Variants in OR52N4 observed in about 807,000 individuals in gnomAD.
OR52N4 encodes the protein olfactory receptor 52N4.
OR52N4 carries 15 observed loss-of-function variants against 15.0 expected under a neutral mutation model. The ratio of observed to expected loss-of-function variants is 1.00; its 90% CI spans 0.67 to 1.54. The LOEUF is 1.54. Ranked by LOEUF, OR52N4 falls within the 40% of genes most tolerant of loss-of-function variation. OR52N4 has a pLI of 0.00. For missense variants in OR52N4, 421 were observed against 394.0 expected, an observed-to-expected ratio of 1.07 and a Z score of -0.58; for synonymous variants, 143 against 143.7, an observed-to-expected ratio of 1.00 and a Z score of 0.03.
the OR52N4 span, among the ~76,000 whole-genome samples, chr11:5,735,310 C>T: frequency 1.3e-4 from 19 of 151,662 alleles, no homozygotes; most frequent in South Asian, 6.2e-4. Flanking sequence ...ATATTCACTT[C>T]GGTTTGAGTC....
the OR52N4 span, among the ~76,000 whole-genome samples, chr11:5,742,783 A>C: frequency 6.6e-6 from 1 of 152,198 alleles, no homozygotes; most frequent in Non-Finnish European, 1.5e-5. Context: ...ACAATAAAAA[A>C]ACAAGTGAAA....
the OR52N4 span, among the ~76,000 whole-genome samples, chr11:5,730,010 C>G: frequency 1.3e-5 from 2 of 151,862 alleles, no homozygotes; most frequent in Non-Finnish European, 2.9e-5. Flanking sequence ...CACATTTGCC[C>G]CATAGAAAAA....
At chr11:5,748,431 A>G in the OR52N4 span, among the ~76,000 whole-genome samples, 2 of 151,790 alleles carry the variant, frequency 1.3e-5, no homozygotes, top group East Asian at 1.9e-4. Context: ...TATCATAATG[A>G]TGATTATTTC....
chr11:5,750,239 T>C (rs1015443678), upstream of OR52N4, among the ~76,000 whole-genome samples: 1 of 152,040 alleles, frequency 6.6e-6, no homozygotes, highest in African/African-American at 2.4e-5. Context: ...GATACTTATT[T>C]CACATGCAGT....
chr11:5,743,400 T>C, the OR52N4 span, among the ~76,000 whole-genome samples: 1 of 152,128 alleles, frequency 6.6e-6, no homozygotes, highest in Non-Finnish European at 1.5e-5. Flanking sequence ...AACAGACATA[T>C]ACAGAACATT....
In OR52N4 at chr11:5,755,331, T is replaced by G. The variant is rs1590345655; in HGVS notation, c.591T>G (p.Asn197Lys). Residue 197 changes from asparagine to lysine, a missense_variant, in exon 2 of 2, where the codon AAT (asparagine) becomes AAG (lysine). By Grantham distance (94) the Asn-to-Lys change is moderately conservative. Transcript: ENST00000641350. ...AKLSCGNVKV[N>K]AIYGLMVALL... ...TGTCCTGTGGTAATGTCAAGGTCAA[T>G]GCCATCTATGGTCTGATGGTTGCCC... 1 of 1,614,092 alleles carries G rather than the reference T, an allele frequency of 6.2e-7. No homozygotes were observed. Among genetic ancestry groups the G allele is most frequent in the East Asian group, 2.2e-5 (1 of 44,854 alleles).
chr11:5,737,605 T>C, the OR52N4 span: 6 of 910,140 alleles, frequency 6.6e-6, no homozygotes, highest in East Asian at 7.5e-5. Context: ...TATATTTGTA[T>C]GTAAATAATT....
the OR52N4 span, among the ~76,000 whole-genome samples, chr11:5,727,845 A>C: frequency 6.6e-6 from 1 of 152,160 alleles, no homozygotes; most frequent in Non-Finnish European, 1.5e-5. Flanking sequence ...CAGCTATCTT[A>C]CCAGCTGCAA....
At chr11:5,732,848 C>G in the OR52N4 span, among the ~76,000 whole-genome samples, 1 of 152,172 alleles carries the variant, frequency 6.6e-6, no homozygotes. Flanking sequence ...GTAGGCACCT[C>G]ATATTGGTCA....
chr11:5,743,674 A>G, the OR52N4 span, among the ~76,000 whole-genome samples: 1 of 152,328 alleles, frequency 6.6e-6, no homozygotes, highest in South Asian at 2.1e-4. Context: ...TTTTTTAAAC[A>G]TTGAAACACA....
Position 5,755,796 on chromosome 11 carries a change from T to C in OR52N4, c.*90T>C. 7.0e-7 allele frequency: 1 copy of C among 1,424,244 alleles called. No individual in the cohort carries two copies. The highest frequency in any genetic ancestry group is 2.3e-5 in the East Asian group (1 of 43,140). The allele number at this position is 1,424,244 out of a possible 1,614,324, so 88.2% of individuals were successfully genotyped here. ...GTTCATAAAATCTTTCTGGAAGCAC[T>C]GTATTGATCACAAAATGGAGTTTGT... On this transcript the variant is annotated 3_prime_UTR_variant, in exon 2 of 2. Coordinates refer to ENST00000641350, the MANE Select transcript of OR52N4 (RefSeq NM_001005175.5).
At chr11:5,750,236 AT>A (rs1236823655), upstream of OR52N4, among the ~76,000 whole-genome samples, 12 of 152,008 alleles carry the variant, frequency 7.9e-5, no homozygotes, top group Admixed American at 7.9e-4. Flanking sequence ...ATGGATACTT[AT>A]TTCACATGCA....
the OR52N4 span, among the ~76,000 whole-genome samples, chr11:5,730,781 G>A: frequency 6.7e-6 from 1 of 150,248 alleles, no homozygotes; most frequent in Non-Finnish European, 1.5e-5. Context: ...TGTCAAGGCA[G>A]AGGGCTTCCT....
Position 5,754,989 on chromosome 11 carries a change from C to CCT in OR52N4, c.252_253dup (p.Cys85SerfsTer59). ...TGTGCTCTAGTACAATCCCTAAAGC[C>CCT]CTCTGCATCTTCTGGTTTCATCTCA... On this transcript the variant is annotated frameshift_variant, in exon 2 of 2. Transcript: ENST00000641350. LOFTEE classifies it high-confidence loss of function. 1 of 1,613,916 alleles carries CCT rather than the reference C, an allele frequency of 6.2e-7. No homozygotes were observed. The highest frequency in any genetic ancestry group is 8.5e-7 in the Non-Finnish European group (1 of 1,179,918).
chr11:5,730,556 C>A, the OR52N4 span, among the ~76,000 whole-genome samples: 1 of 152,000 alleles, frequency 6.6e-6, no homozygotes, highest in Non-Finnish European at 1.5e-5. Context: ...TCTCCAAAAT[C>A]TATCCACTGT....
upstream of OR52N4, among the ~76,000 whole-genome samples, chr11:5,752,126 T>C (rs1854204227): frequency 6.6e-6 from 1 of 152,122 alleles, no homozygotes; most frequent in African/African-American, 2.4e-5. Flanking sequence ...CTTTGACCTG[T>C]CAGAATTCTA....
the OR52N4 span, chr11:5,737,421 T>G: frequency 1.9e-6 from 3 of 1,614,066 alleles, no homozygotes; most frequent in Non-Finnish European, 2.5e-6. Context: ...GTTTATGCAC[T>G]TCAGACCAAA....
At chr11:5,730,013 T>C in the OR52N4 span, among the ~76,000 whole-genome samples, 23 of 152,212 alleles carry the variant, frequency 1.5e-4, no homozygotes, top group African/African-American at 4.6e-4. Flanking sequence ...ATTTGCCCCA[T>C]AGAAAAATTT....
At chr11:5,737,688 A>C in the OR52N4 span, 1 of 475,094 alleles carries the variant, frequency 2.1e-6, no homozygotes. Context: ...ATTTAAATAT[A>C]TTTGAGAATA....
Sources: allele counts gnomAD v4.1 joint callset (sites outside exome capture counted in the v4.1 genomes callset), GRCh38; gene constraint gnomAD v4.1.1; transcripts MANE v1.5; gene names NCBI Gene and HGNC (gene_info 2026-07-23, HGNC 2026-07-21).